DOCK10: variants seen among roughly 807,000 people sequenced by gnomAD.
DOCK10 encodes dedicator of cytokinesis 10.
DOCK10 carries 145 observed loss-of-function variants against 280.1 expected under a neutral mutation model. The observed-to-expected ratio is 0.52, with a 90% CI of 0.45 to 0.59. DOCK10 has a LOEUF of 0.59. Ranked by LOEUF, DOCK10 falls within the 20% of genes least tolerant of loss-of-function variation. The pLI is 0.00. For missense variants in DOCK10, 2,368 were observed against 2,651.7 expected (o/e 0.89, Z 2.35); for synonymous variants, 915 against 942.2 (o/e 0.97, Z 0.53).
At chr2:225,013,032 G>A (rs1020632596) in intron 1 of DOCK10, among the ~76,000 whole-genome samples, 3 of 152,090 alleles carry the variant, frequency 2.0e-5, no homozygotes, top group African/African-American at 7.2e-5. Flanking sequence ...CTGTAATCAG[G>A]ACCAAATTCC....
chr2:224,767,080 T>C (rs1329768746), intron 55 of DOCK10, among the ~76,000 whole-genome samples: 1 of 152,226 alleles, frequency 6.6e-6, no homozygotes, highest in East Asian at 1.9e-4. Flanking sequence ...CTACATTTTT[T>C]AGTTTTAATC....
intron 25 of DOCK10, among the ~76,000 whole-genome samples, chr2:224,836,432 A>T (rs1176954395): frequency 6.6e-6 from 1 of 152,228 alleles, no homozygotes; most frequent in Non-Finnish European, 1.5e-5. Context: ...ATGTTTAAAA[A>T]GGGCACATAC....
intron 50 of DOCK10, among the ~76,000 whole-genome samples, chr2:224,782,131 T>A (rs1417437183): frequency 1.3e-5 from 2 of 152,182 alleles, no homozygotes; most frequent in Non-Finnish European, 2.9e-5. Context: ...AATTATACAG[T>A]ATAGATATGT....
At chr2:225,013,981 CTA>C (rs1391894378) in intron 1 of DOCK10, among the ~76,000 whole-genome samples, 1 of 151,626 alleles carries the variant, frequency 6.6e-6, no homozygotes, top group African/African-American at 2.4e-5. Flanking sequence ...TATTTTTATT[CTA>C]TCTCTTTCCT....
At chr2:224,972,361 A>G (rs1229910099) in intron 1 of DOCK10, among the ~76,000 whole-genome samples, 1 of 152,162 alleles carries the variant, frequency 6.6e-6, no homozygotes, top group African/African-American at 2.4e-5. Flanking sequence ...TAATCTACCA[A>G]ATGAATCCAT....
chr2:224,876,296 G>A (rs1698625018), intron 7 of DOCK10, 75 bp from the exon 8 acceptor site: 1 of 1,321,448 alleles, frequency 7.6e-7, no homozygotes, highest in Non-Finnish European at 1.0e-6. Flanking sequence ...ATTTATGTGG[G>A]CTTGAGGTTC....
intron 25 of DOCK10, among the ~76,000 whole-genome samples, chr2:224,837,058 T>C (rs1695638200): frequency 6.6e-6 from 1 of 152,228 alleles, no homozygotes; most frequent in South Asian, 2.1e-4. Context: ...CTCTATGTAT[T>C]ATAAAGTAAT....
rs2106156228 is a variant in DOCK10, at chr2:225,042,359, T to C, written c.16A>G (p.Thr6Ala). 3 of 1,269,604 alleles carry C rather than the reference T, an allele frequency of 2.4e-6. No homozygotes were observed. The highest frequency in any genetic ancestry group is 3.0e-6 in the Non-Finnish European group (3 of 1,005,968). The allele number at this position is 1,269,604 out of a possible 1,614,324, so 78.6% of individuals were successfully genotyped here. A position where few individuals can be genotyped will look rare whatever the true frequency, so the allele number is the denominator to read the frequency against. The change falls in exon 1 of 56, where the codon ACC becomes GCC. Residue 6 changes from threonine (T) to alanine (A), a missense_variant. Physicochemically the swap from Thr to Ala is moderately conservative, Grantham distance 58. This residue lies in a region of DOCK10 where 1,209 missense variants were observed against 1,250.9 expected (regional missense o/e 0.97). Coordinates refer to ENST00000258390, the MANE Select transcript of DOCK10 (RefSeq NM_014689.3). This position sits in a 1 kb window ranked among gnomAD's most constrained non-coding sequence, Gnocchi z 5.1. MAGER[T>A]RRFTRSLLRP... is the part of the protein sequence containing the mutation. Reference sequence around the variant, plus strand: ...AACAGGCTCCGGGTGAACCTGCGGGTCCGCTCACCGGCCATCGCCGGTCAC... The same window carrying C: ...AACAGGCTCCGGGTGAACCTGCGGGCCCGCTCACCGGCCATCGCCGGTCAC...
chr2:224,997,223 C>G (rs1014759977), intron 1 of DOCK10, among the ~76,000 whole-genome samples: 2 of 144,224 alleles, frequency 1.4e-5, no homozygotes, highest in African/African-American at 5.1e-5. Context: ...CCCTCCCTTC[C>G]TTCCTTCCTT....
rs1454632949 is a variant in DOCK10, at chr2:224,840,044, G to C, written c.2690C>G (p.Ala897Gly). The C allele has an allele frequency of 6.4e-7, 1 of 1,553,484 alleles. No individual in the cohort carries two copies. The change falls in exon 24 of 56, where the codon GCA becomes GGA. Residue 897 changes from alanine to glycine, a missense_variant. Around this residue, in one of 2 missense-constraint regions of DOCK10, gnomAD observed 1,209 missense variants for 1,250.9 expected, o/e 0.97. Coordinates refer to ENST00000258390, the MANE Select transcript of DOCK10 (RefSeq NM_014689.3). The part of the protein sequence containing the change: ...KNLLNVEKIH[A>G]IMSFLPIILN... ...AATTATAGGCAGAAAACTCATGATT[G>C]CATGAATCTTTTCCACATTCAATAA...
intron 1 of DOCK10, among the ~76,000 whole-genome samples, chr2:225,035,583 T>TG (rs1690233121): frequency 9.0e-6 from 1 of 111,658 alleles, no homozygotes; most frequent in African/African-American, 4.4e-5. Context: ...TATATATATA[T>TG]ATATAACACT....
At chr2:224,765,985 A>G in intron 55 of DOCK10, 148 bp from the exon 56 acceptor site, 1 of 559,378 alleles carries the variant, frequency 1.8e-6, no homozygotes, top group Non-Finnish European at 2.9e-6. Flanking sequence ...AGTGGATCTA[A>G]AGAATTTTCC....
At chr2:224,794,631 G>A (rs1242797366) in intron 45 of DOCK10, among the ~76,000 whole-genome samples, 13 of 152,122 alleles carry the variant, frequency 8.5e-5, no homozygotes, top group Admixed American at 8.5e-4. Flanking sequence ...AGCATTCAGC[G>A]TTGCATTACA....
intron 1 of DOCK10, among the ~76,000 whole-genome samples, chr2:225,025,917 A>G (rs1236132453): frequency 1.3e-5 from 2 of 152,170 alleles, no homozygotes; most frequent in East Asian, 1.9e-4. Flanking sequence ...TCTGGAAGCA[A>G]TGAGATAATA....
chr2:225,038,900 T>C (rs932323309), intron 1 of DOCK10, among the ~76,000 whole-genome samples: 10 of 152,056 alleles, frequency 6.6e-5, no homozygotes, highest in African/African-American at 2.4e-4. Flanking sequence ...CCTAAAACAT[T>C]CCATAAATAA....
chr2:224,849,583 G>C lies in DOCK10; in HGVS notation c.2159C>G (p.Pro720Arg), dbSNP rs1402410210. The C allele has an allele frequency of 6.2e-7, 1 of 1,607,418 alleles. No individual in the cohort carries two copies. Among genetic ancestry groups the C allele is most frequent in the East Asian group, 2.2e-5 (1 of 44,742 alleles). The change falls in exon 19 of 56, where the codon CCT becomes CGT. Residue 720 changes from proline (P) to arginine (R), a missense_variant. Physicochemically the swap from Pro to Arg is moderately radical, Grantham distance 103. Coordinates refer to ENST00000258390, the MANE Select transcript of DOCK10 (RefSeq NM_014689.3). ...AKPLKCIYGK[P>R]GGPLFTSAAY... ...GGCTGAGGTGAAGAGGGGCCCTCCA[G>C]GTTTTCCATAAATACACTGTTTGAA...
intron 2 of DOCK10, among the ~76,000 whole-genome samples, chr2:224,925,532 C>T (rs1043264393): frequency 4.6e-5 from 7 of 152,124 alleles, no homozygotes; most frequent in Non-Finnish European, 7.3e-5. Flanking sequence ...TTGCACTGCC[C>T]GGTGTTGAAA....
At chr2:224,854,854 G>GCCAA (rs72305904) in intron 16 of DOCK10, 109 bp downstream of exon 16, 12,944 of 630,900 alleles carry the variant, frequency 0.021, 193 homozygotes, top group African/African-American at 0.051. Flanking sequence ...CAACCAACTA[G>GCCAA]CCAACCAACC....
intron 1 of DOCK10, among the ~76,000 whole-genome samples, chr2:224,966,240 A>G (rs1204725655): frequency 1.3e-5 from 2 of 152,086 alleles, no homozygotes; most frequent in African/African-American, 4.8e-5. Flanking sequence ...CATATTCTTG[A>G]TACTTAAAAA....
Sources: allele counts gnomAD v4.1 joint callset (sites outside exome capture counted in the v4.1 genomes callset), GRCh38; gene constraint gnomAD v4.1.1; regional missense constraint gnomAD v4.1.1; non-coding constraint Gnocchi (gnomAD v3.1); transcripts MANE v1.5; gene names NCBI Gene and HGNC (gene_info 2026-07-23, HGNC 2026-07-21).